ZNF282: variants seen among roughly 807,000 people sequenced by gnomAD.
The protein encoded by ZNF282 is zinc finger protein 282, also known as HTLV-I U5 repressive element-binding protein 1.
ZNF282 carries 30 observed loss-of-function variants against 61.9 expected under a neutral mutation model. The ratio of observed to expected loss-of-function variants is 0.48; its 90% confidence interval spans 0.36 to 0.66. The LOEUF is 0.66. ZNF282 is among the 30% of genes least tolerant of loss of function. The pLI is 0.00. For synonymous variants in ZNF282, 396 were observed against 405.0 expected, an observed-to-expected ratio of 0.98 and a Z score of 0.27; for missense variants, 788 against 941.4, an observed-to-expected ratio of 0.84 and a Z score of 2.13.
At position 149,223,930 on chromosome 7, in the gene ZNF282, C is replaced by T. The variant is rs1389341779; in HGVS notation, c.1299C>T (p.Ile433=). ...SQPQPQSLPP[I]AVAENPGGPP... The stretch of plus-strand genomic sequence containing the variant: ...CCCAGCCCCAGAGCCTGCCCCCCAT[C>T]GCGGTGGCCGAGAACCCGGGCGGCC... The change falls in exon 8 of 8, where the codon ATC becomes ATT. Residue 433 remains isoleucine (I), a synonymous_variant. Coordinates refer to ENST00000610704, the MANE Select transcript of ZNF282 (RefSeq NM_003575.4). The T allele has an allele frequency of 4.1e-5, 55 of 1,327,916 alleles. No homozygotes were observed. The highest frequency in any genetic ancestry group is 5.1e-5 in the Non-Finnish European group (53 of 1,041,900). 82.3% of individuals were successfully genotyped at this position (1,327,916 alleles called of 1,614,324 possible). A position where few individuals can be genotyped will look rare whatever the true frequency, so the allele number is the denominator to read the frequency against.
intron 4 of ZNF282, among the ~76,000 whole-genome samples, chr7:149,207,776 C>G (rs1018210881): frequency 6.6e-6 from 1 of 152,238 alleles, no homozygotes; most frequent in East Asian, 1.9e-4. Flanking sequence ...GCCCCAGGCC[C>G]GGGCTCAGAG....
intron 2 of ZNF282, 29 bp from the exon 3 acceptor site, chr7:149,206,667 G>A (rs779146130): frequency 8.5e-5 from 137 of 1,613,388 alleles, no homozygotes; most frequent in Non-Finnish European, 1.1e-4. Context: ...ACAGGCAGGA[G>A]GCGCTAGATT....
chr7:149,200,083 C>T (rs1273240225), intron 2 of ZNF282, among the ~76,000 whole-genome samples: 10 of 152,108 alleles, frequency 6.6e-5, no homozygotes, highest in African/African-American at 1.4e-4. Flanking sequence ...TTTTAATCTG[C>T]GGGCATCTCT....
intron 7 of ZNF282, among the ~76,000 whole-genome samples, chr7:149,214,410 G>A (rs903959602): frequency 1.3e-5 from 2 of 152,070 alleles, no homozygotes; most frequent in Non-Finnish European, 2.9e-5. Context: ...AACATATTTG[G>A]TGGGGAGGGG....
chr7:149,221,549 A>C (rs1796251426), intron 7 of ZNF282, among the ~76,000 whole-genome samples: 2 of 152,152 alleles, frequency 1.3e-5, no homozygotes, highest in Non-Finnish European at 2.9e-5. Flanking sequence ...AAGGAGTGAG[A>C]GTAGCAGGAC....
At chr7:149,222,795 G>A (rs1245535669) in intron 7 of ZNF282, among the ~76,000 whole-genome samples, 2 of 151,438 alleles carry the variant, frequency 1.3e-5, no homozygotes, top group Non-Finnish European at 1.5e-5. Context: ...CTACAGGTGC[G>A]TGCCACCATG....
chr7:149,217,647 A>C (rs1192675435), intron 7 of ZNF282, among the ~76,000 whole-genome samples: 1 of 151,960 alleles, frequency 6.6e-6, no homozygotes, highest in East Asian at 1.9e-4. Context: ...GGCAAGGTAA[A>C]GCCAGGATGC....
rs1352857444 is a variant in ZNF282 at position 149,226,162 on chromosome 7, A to G, written c.*1515A>G. On this transcript the variant is annotated 3_prime_UTR_variant, in exon 8 of 8. Coordinates refer to ENST00000610704, the MANE Select transcript of ZNF282 (RefSeq NM_003575.4). ...GAATTCTTGACATTAAATAAAAGGT[A>G]TCCAGATTGCAGACTGCATGTTCAC... 1 of 152,692 alleles carries G rather than the reference A, an allele frequency of 6.5e-6. No homozygotes were observed. The highest frequency in any genetic ancestry group is 2.1e-4 in the South Asian group (1 of 4,836). The allele number at this position is 152,692 out of a possible 1,614,324, so 9.5% of individuals were successfully genotyped here.
Position 149,213,814 on chromosome 7 carries a change from A to AG in ZNF282, c.1180+1dup. ...AGAGCTTGGATTAGACTCTGGCCCT[A>AG]GTGAGTAACGTCCCCACCTAGACCC... On this transcript the variant is annotated frameshift_variant and splice_region_variant. Coordinates refer to ENST00000610704, the MANE Select transcript of ZNF282 (RefSeq NM_003575.4). LOFTEE classifies it high-confidence loss of function. 1 of 1,611,398 alleles carries AG rather than the reference A, an allele frequency of 6.2e-7. No homozygotes were observed. Among genetic ancestry groups the AG allele is most frequent in the Non-Finnish European group, 8.5e-7 (1 of 1,177,898 alleles).
chr7:149,213,969 T>G, intron 7 of ZNF282, 155 bp downstream of exon 7: 1 of 596,696 alleles, frequency 1.7e-6, no homozygotes, highest in Non-Finnish European at 3.0e-6. Flanking sequence ...GCACTCCCAT[T>G]CTTTTTGGAG....
chr7:149,212,233 T>C (rs1179252926), intron 5 of ZNF282, 125 bp from the exon 6 acceptor site: 4 of 638,886 alleles, frequency 6.3e-6, no homozygotes, highest in African/African-American at 1.9e-5. Flanking sequence ...ATGAGACTTA[T>C]GTAATTGTAC....
intron 7 of ZNF282, among the ~76,000 whole-genome samples, chr7:149,220,224 C>T (rs1318099558): frequency 1.3e-4 from 19 of 151,972 alleles, no homozygotes; most frequent in African/African-American, 2.9e-4. Context: ...CTGGCTAACA[C>T]GGTGAAACCC....
chr7:149,219,222 C>T (rs1311616105), intron 7 of ZNF282, among the ~76,000 whole-genome samples: 2 of 152,160 alleles, frequency 1.3e-5, no homozygotes, highest in Non-Finnish European at 2.9e-5. Flanking sequence ...TAAGATCCCA[C>T]CATGAATAAC....
chr7:149,199,188 G>A (rs943256483), intron 2 of ZNF282, among the ~76,000 whole-genome samples: 3 of 152,092 alleles, frequency 2.0e-5, no homozygotes, highest in African/African-American at 7.2e-5. Context: ...CTTATCTCAG[G>A]GGGGCCCTTC....
At chr7:149,209,215 G>C (rs1276135953) in intron 4 of ZNF282, among the ~76,000 whole-genome samples, 1 of 151,582 alleles carries the variant, frequency 6.6e-6, no homozygotes. Context: ...CCAGCTACTC[G>C]GGAGGCTGAG....
rs910317765 is a variant in ZNF282 at position 149,224,800 on chromosome 7, C to T, written c.*153C>T. 3 of 1,317,998 alleles carry T rather than the reference C, an allele frequency of 2.3e-6. No homozygotes were observed. The highest frequency in any genetic ancestry group is 3.0e-6 in the Non-Finnish European group (3 of 993,812). 81.6% of individuals were successfully genotyped at this position (1,317,998 alleles called of 1,614,324 possible). On this transcript the variant is annotated 3_prime_UTR_variant, in exon 8 of 8. Coordinates refer to ENST00000610704, the MANE Select transcript of ZNF282 (RefSeq NM_003575.4). The stretch of plus-strand genomic sequence containing the variant: ...CCCCCAGGGTGGGGCAGGGATCCCC[C>T]AGATCTGTCTGGTCTGAATGGACGC...
chr7:149,221,360 AG>A (rs1320529194), intron 7 of ZNF282, among the ~76,000 whole-genome samples: 2 of 152,218 alleles, frequency 1.3e-5, no homozygotes, highest in Non-Finnish European at 2.9e-5. Context: ...TGGGTCAGGA[AG>A]GCAGAAAAAG....
At position 149,198,699 on chromosome 7, in the gene ZNF282, A is replaced by C. The variant is rs2129523010; in HGVS notation, c.532A>C (p.Arg178=). The change falls in exon 2 of 8, where the codon AGG becomes CGG. Residue 178 remains arginine (R), a synonymous_variant. Coordinates refer to ENST00000610704, the MANE Select transcript of ZNF282 (RefSeq NM_003575.4). This position sits in a 1 kb window ranked among gnomAD's most constrained non-coding sequence, Gnocchi z 4.3. ...GAACTTGGAGAACTTGCTGCGCAAC[A>C]GGAACTTCTGGGTCCTGCGGCTGCC... is the stretch of plus-strand genomic sequence containing the variant. The part of the protein sequence containing the change: ...LENLENLLRN[R]NFWVLRLPPG... 1 of 1,613,958 alleles carries C rather than the reference A, an allele frequency of 6.2e-7. No individual in the cohort carries two copies. The highest frequency in any genetic ancestry group is 2.2e-5 in the East Asian group (1 of 44,870).
Position 149,195,764 on chromosome 7 carries a change from C to A in ZNF282, c.165+10C>A. On this transcript the variant is annotated intron_variant, in intron 1 of 7. Transcript: ENST00000610704. ...AATGCCGCCCATGCAGGTGGGAGAA[C>A]CCCGCCGGCGCCATGGCCGCGCTGC... The A allele has an allele frequency of 6.7e-7, 1 of 1,492,602 alleles. No homozygotes were observed. Among genetic ancestry groups the A allele is most frequent in the Non-Finnish European group, 8.9e-7 (1 of 1,124,060 alleles). 92.5% of individuals were successfully genotyped at this position (1,492,602 alleles called of 1,614,324 possible).
Sources: gnomAD v4.1 joint callset for allele counts (sites outside exome capture counted in the v4.1 genomes callset) on GRCh38, gnomAD v4.1.1 for gene constraint, Gnocchi (gnomAD v3.1) non-coding constraint, MANE v1.5 for transcripts, NCBI Gene and HGNC (gene_info 2026-07-23, HGNC 2026-07-21) for gene names.